DOCK5: variants seen among roughly 807,000 people sequenced by gnomAD.
DOCK5 encodes the protein dedicator of cytokinesis 5.
Under a neutral mutation model 251.8 loss-of-function variants are expected in DOCK5, and 142 were observed. That is an observed-to-expected ratio of 0.56 (90% CI 0.49 to 0.65). The LOEUF (loss-of-function observed/expected upper bound fraction) is 0.65, where lower values mean the gene tolerates loss of function less well. Among genes scored for constraint, DOCK5 ranks in the 30% least tolerant of loss-of-function variants. The probability of loss-of-function intolerance (pLI) is 0.00; values close to 1 mark genes in which losing one functional copy is unlikely to be tolerated. For synonymous variants in DOCK5, 842 were observed against 835.5 expected (o/e 1.01, Z -0.13); for missense variants, 2,111 against 2,312.3 (o/e 0.91, Z 1.79).
intron 36 of DOCK5, among the ~76,000 whole-genome samples, chr8:25,374,360 C>T (rs936654647): frequency 1.3e-5 from 2 of 151,986 alleles, no homozygotes; most frequent in Admixed American, 6.6e-5. Context: ...GAAAATTAGC[C>T]GGGCCTGGTG....
chr8:25,328,225 C>T (rs998691162), intron 18 of DOCK5, among the ~76,000 whole-genome samples: 4 of 151,770 alleles, frequency 2.6e-5, no homozygotes, highest in Non-Finnish European at 5.9e-5. Flanking sequence ...AAGACAAACT[C>T]ATCATAACAC....
intron 27 of DOCK5, among the ~76,000 whole-genome samples, chr8:25,356,109 G>T (rs1428853085): frequency 1.3e-5 from 2 of 152,040 alleles, no homozygotes; most frequent in Admixed American, 1.3e-4. Flanking sequence ...TGAGGCAGGG[G>T]GAATCACTTG....
intron 1 of DOCK5, among the ~76,000 whole-genome samples, chr8:25,225,379 G>A (rs1802502004): frequency 6.6e-6 from 1 of 152,154 alleles, no homozygotes; most frequent in Non-Finnish European, 1.5e-5. Context: ...ATAAAATGTG[G>A]TCTGACCATA....
At chr8:25,278,723 G>T (rs1804111593) in intron 5 of DOCK5, 58 bp downstream of exon 5, 11 of 1,510,584 alleles carry the variant, frequency 7.3e-6, no homozygotes, top group Non-Finnish European at 8.2e-6. Context: ...CAGCCTGTAG[G>T]TCCTTTGCAG....
chr8:25,331,375 T>TACAGGCTTCCTAAAGTGTTACA (rs1805679167), intron 18 of DOCK5, among the ~76,000 whole-genome samples: 1 of 152,132 alleles, frequency 6.6e-6, no homozygotes, highest in South Asian at 2.1e-4. Flanking sequence ...CCTAAAGTGT[T>TACAGGCTTCCTAAAGTGTTACA]GGGATTACAG....
Position 25,395,647 on chromosome 8 carries a change from G to A in DOCK5, c.4632G>A (p.Val1544=), listed in dbSNP as rs2117326449. The stretch of plus-strand genomic sequence containing the variant: ...ATGCCTGGGACCGGTCCCTCTCTGT[G>A]CACCCTCTCTCCATGCTGCTCAGTG... The part of the protein sequence containing the change: ...QQHAWDRSLS[V]HPLSMLLSGI... Residue 1544 remains valine, a synonymous_variant, in exon 45 of 52, where the codon GTG becomes GTA. Transcript: ENST00000276440. The A allele has an allele frequency of 3.1e-6, 5 of 1,613,644 alleles. No homozygotes were observed. Among genetic ancestry groups the A allele is most frequent in the Non-Finnish European group, 4.2e-6 (5 of 1,179,790 alleles).
intron 1 of DOCK5, among the ~76,000 whole-genome samples, chr8:25,231,761 C>T (rs1802674787): frequency 6.6e-6 from 1 of 152,054 alleles, no homozygotes; most frequent in South Asian, 2.1e-4. Context: ...TTGCCTTGTA[C>T]CTGGTATTAG....
intron 1 of DOCK5, among the ~76,000 whole-genome samples, chr8:25,190,775 G>GATTTTTTTTTTTTTTTTTTTTT (rs755511798): frequency 5.6e-5 from 3 of 53,980 alleles, no homozygotes; most frequent in African/African-American, 6.7e-5. Flanking sequence ...CTTGGTCATG[G>GATTTTTTTTTTTTTTTTTTTTT]GTTTTTTTTT....
intron 51 of DOCK5, among the ~76,000 whole-genome samples, chr8:25,410,459 G>A (rs1801601938): frequency 6.6e-6 from 1 of 151,742 alleles, no homozygotes; most frequent in African/African-American, 2.4e-5. Flanking sequence ...GTGAGTTCTA[G>A]TTCACCTTTT....
At position 25,384,353 on chromosome 8, in the gene DOCK5, A is replaced by G. The variant is rs569633987; in HGVS notation, c.4131+1575A>G. On this transcript the variant is annotated intron_variant, in intron 40 of 51. Transcript: ENST00000276440. ...CTGTATCTTGATTGTGGTCCTGGTTATGTTTGTCAAAACTCACAGAATTTT... is the reference window on the plus strand; with the variant it reads ...CTGTATCTTGATTGTGGTCCTGGTTGTGTTTGTCAAAACTCACAGAATTTT... Among the ~76,000 whole-genome samples the G allele has an allele frequency of 5.9e-5, 9 of 152,112 alleles. No individual in the cohort carries two copies. In the South Asian group the frequency reaches 1.9e-3, roughly 32 times the overall value.
At chr8:25,409,866 A>C (rs1801588941) in intron 50 of DOCK5, 1 of 411,282 alleles carries the variant, frequency 2.4e-6, no homozygotes. Flanking sequence ...AAATAAAAAA[A>C]ATAAAGTTTT....
chr8:25,382,059 G>A (rs1801077048), intron 39 of DOCK5, among the ~76,000 whole-genome samples: 1 of 152,042 alleles, frequency 6.6e-6, no homozygotes, highest in African/African-American at 2.4e-5. Flanking sequence ...TGTCACCCAG[G>A]CTGGAGTGCA....
intron 30 of DOCK5, among the ~76,000 whole-genome samples, chr8:25,365,078 T>C (rs1800752746): frequency 6.6e-6 from 1 of 152,172 alleles, no homozygotes. Flanking sequence ...TACCGACAAA[T>C]GAGTTTGGTT....
At chr8:25,240,993 G>A (rs1239223395) in intron 1 of DOCK5, among the ~76,000 whole-genome samples, 8 of 152,200 alleles carry the variant, frequency 5.3e-5, no homozygotes, top group East Asian at 1.9e-4. Flanking sequence ...TCTGCATGTC[G>A]CCTTCTCTCA....
intron 29 of DOCK5, 133 bp from the exon 30 acceptor site, chr8:25,364,493 C>T (rs907536835): frequency 3.2e-6 from 2 of 633,574 alleles, no homozygotes; most frequent in African/African-American, 1.8e-5. Flanking sequence ...CTGTTGTCTG[C>T]AAGGACACTG....
In DOCK5 at chr8:25,296,575, C is replaced by T; in HGVS notation, c.533C>T (p.Thr178Ile). ...DNGNILDPDETSTIALFKAHE... is the reference protein window; with the variant it reads ...DNGNILDPDEISTIALFKAHE... ...GGGAACATCCTAGACCCTGACGAAA[C>T]CAGCACCATTGCCCTCTTCAAGGCC... Residue 178 changes from threonine (T) to isoleucine (I), a missense_variant, in exon 7 of 52, where the codon ACC (threonine) becomes ATC (isoleucine). By Grantham distance (89) the Thr-to-Ile change is moderately conservative. This residue lies in a region of DOCK5 where 335 missense variants were observed against 324.9 expected (regional missense o/e 1.03). Coordinates refer to ENST00000276440, the MANE Select transcript of DOCK5 (RefSeq NM_024940.8). The T allele has an allele frequency of 6.2e-7, 1 of 1,612,572 alleles. No homozygotes were observed. The highest frequency in any genetic ancestry group is 1.3e-5 in the African/African-American group (1 of 75,002).
chr8:25,200,901 T>TGTCTTC (rs1554515768), intron 1 of DOCK5, among the ~76,000 whole-genome samples: 4 of 151,392 alleles, frequency 2.6e-5, no homozygotes, highest in Admixed American at 2.0e-4. Flanking sequence ...TAAATGGCTA[T>TGTCTTC]TTCTTCTTCT....
chr8:25,251,277 G>T (rs184664949), intron 2 of DOCK5, among the ~76,000 whole-genome samples: 2 of 144,496 alleles, frequency 1.4e-5, no homozygotes, highest in Admixed American at 1.4e-4. Context: ...ATGTCTCAAA[G>T]GTGAGCTGAA....
At chr8:25,268,980 C>G (rs2117115517) in intron 3 of DOCK5, 95 bp downstream of exon 3, 1 of 1,114,484 alleles carries the variant, frequency 9.0e-7, no homozygotes, top group Non-Finnish European at 1.3e-6. Context: ...TCTGCTGTCT[C>G]TAGACCTAGT....
Sources: allele counts gnomAD v4.1 joint callset (sites outside exome capture counted in the v4.1 genomes callset), GRCh38; gene constraint gnomAD v4.1.1; regional missense constraint gnomAD v4.1.1; transcripts MANE v1.5; gene names NCBI Gene and HGNC (gene_info 2026-07-23, HGNC 2026-07-21).